SDC3: variants seen among roughly 807,000 people sequenced by gnomAD.
The protein encoded by SDC3 is syndecan 3, also known as syndecan-3.
SDC3 carries 13 observed loss-of-function variants against 24.4 expected under a neutral mutation model. That is an observed-to-expected ratio of 0.53 (90% CI 0.35 to 0.85). The LOEUF (loss-of-function observed/expected upper bound fraction) is 0.85, where lower values mean the gene tolerates loss of function less well. Ranked by LOEUF, SDC3 falls within the 40% of genes least tolerant of loss-of-function variation. The pLI is 0.01. For missense variants in SDC3, 571 were observed against 584.5 expected, an observed-to-expected ratio of 0.98 and a Z score of 0.24; for synonymous variants, 295 against 260.9, an observed-to-expected ratio of 1.13 and a Z score of -1.26.
chr1:30,873,255 C>T lies in SDC3; in HGVS notation c.1285G>A (p.Val429Ile), dbSNP rs138480380. 669 of 1,613,818 alleles carry T rather than the reference C, an allele frequency of 4.1e-4. 4 individuals carry two copies. Among genetic ancestry groups the T allele is most frequent in the Admixed American group, 2.7e-4 (16 of 60,028 alleles). Residue 429 changes from valine (V) to isoleucine (I), a missense_variant, in exon 5 of 5, where the codon GTC becomes ATC. Coordinates refer to ENST00000339394, the MANE Select transcript of SDC3 (RefSeq NM_014654.4). ...TGCTTGTCAGGCTTCTGGTATGTGA[C>T]GCTCGCCTGCTTGGGTTCCTCCAGC... is the stretch of plus-strand genomic sequence containing the variant. ...YTLEEPKQAS[V>I]TYQKPDKQEE...
Position 30,876,671 on chromosome 1 carries a change from T to C in SDC3, c.751A>G (p.Thr251Ala), listed in dbSNP as rs774886200. 5.0e-6 allele frequency: 8 copies of C among 1,602,376 alleles called. No individual in the cohort carries two copies. The highest frequency in any genetic ancestry group is 6.8e-6 in the Non-Finnish European group (8 of 1,174,262). ...TEAPTPRLVS[T>A]ATSRPRALPR... is the part of the protein sequence containing the mutation. ...AGGGCTCTTGGCCGGGAGGTAGCTGTGCTGACCAGCCTGGGTGTTGGGGCC... is the reference window on the plus strand; with the variant it reads ...AGGGCTCTTGGCCGGGAGGTAGCTGCGCTGACCAGCCTGGGTGTTGGGGCC... The change falls in exon 3 of 5, where the codon ACA becomes GCA. Residue 251 changes from threonine (T) to alanine (A), a missense_variant. By Grantham distance (58) the Thr-to-Ala change is moderately conservative. This residue lies in a region of SDC3 where 497 missense variants were observed against 471.6 expected (regional missense o/e 1.05). Coordinates refer to ENST00000339394, the MANE Select transcript of SDC3 (RefSeq NM_014654.4).
chr1:30,881,621 G>A (rs942007641), intron 1 of SDC3, among the ~76,000 whole-genome samples: 2 of 152,232 alleles, frequency 1.3e-5, no homozygotes, highest in Non-Finnish European at 2.9e-5. Context: ...ATGAAGGCCT[G>A]AGCATCAGGT....
intron 1 of SDC3, among the ~76,000 whole-genome samples, chr1:30,896,898 G>T (rs1433051620): frequency 6.6e-6 from 1 of 152,204 alleles, no homozygotes; most frequent in East Asian, 1.9e-4. Flanking sequence ...GGGAAGCGGA[G>T]GTTGCAGTGA....
chr1:30,909,472 C>A (rs560324290), upstream of SDC3, among the ~76,000 whole-genome samples: 105 of 152,312 alleles, frequency 6.9e-4, no homozygotes, highest in Non-Finnish European at 1.1e-3. Flanking sequence ...TTGAATGGGA[C>A]CACCCCCTCC....
intron 4 of SDC3, 111 bp from the exon 5 acceptor site, chr1:30,873,488 A>G: frequency 1.4e-6 from 1 of 702,626 alleles, no homozygotes; most frequent in African/African-American, 1.8e-5. Context: ...CCCAGATCTG[A>G]GTTGGAGTGA....
At chr1:30,886,502 C>G (rs1245161264) in intron 1 of SDC3, among the ~76,000 whole-genome samples, 2 of 152,174 alleles carry the variant, frequency 1.3e-5, no homozygotes, top group Non-Finnish European at 2.9e-5. Context: ...ACAGGCCCTT[C>G]CACTGGATCT....
At chr1:30,899,588 T>A (rs1473839880) in intron 1 of SDC3, among the ~76,000 whole-genome samples, 1 of 152,050 alleles carries the variant, frequency 6.6e-6, no homozygotes, top group Non-Finnish European at 1.5e-5. Context: ...GCCAGGTGGG[T>A]CTTGAACTCC....
rs770342472 is a variant in SDC3 at position 30,876,583 on chromosome 1, G to T, written c.839C>A (p.Thr280Asn). Residue 280 changes from threonine to asparagine, a missense_variant, in exon 3 of 5, where the codon ACC (threonine) becomes AAC (asparagine). This residue lies in a region of SDC3 where 497 missense variants were observed against 471.6 expected (regional missense o/e 1.05). Coordinates refer to ENST00000339394, the MANE Select transcript of SDC3 (RefSeq NM_014654.4). ...IPERSTLPLG[T>N]TAPGPTEVAQ... is the part of the protein sequence containing the mutation. ...CACCTCTGTGGGTCCAGGGGCAGTG[G>T]TCCCCAGGGGCAGGGTGCTCCTCTC... 1.3e-6 allele frequency: 2 copies of T among 1,529,042 alleles called. No homozygotes were observed. Among genetic ancestry groups the T allele is most frequent in the African/African-American group, 1.4e-5 (1 of 71,948 alleles). 94.7% of individuals were successfully genotyped at this position (1,529,042 alleles called of 1,614,324 possible).
intron 3 of SDC3, among the ~76,000 whole-genome samples, 191 bp downstream of exon 3, chr1:30,876,361 C>T (rs894294089): frequency 8.5e-5 from 13 of 152,164 alleles, no homozygotes; most frequent in Non-Finnish European, 1.6e-4. Flanking sequence ...TCCAACCACC[C>T]CAGCCCTCGT....
chr1:30,892,022 C>T (rs1197991908), intron 1 of SDC3, among the ~76,000 whole-genome samples: 2 of 151,982 alleles, frequency 1.3e-5, no homozygotes, highest in African/African-American at 4.8e-5. Flanking sequence ...TGCTCACCCC[C>T]CCAACCCAAC....
chr1:30,902,376 A>G (rs12087934), intron 1 of SDC3, among the ~76,000 whole-genome samples: 10,261 of 152,144 alleles, frequency 0.067, 1,109 homozygotes, highest in African/African-American at 0.23. Context: ...CCCTCTGGCC[A>G]TGGCGGGAGG....
Position 30,874,346 on chromosome 1 carries a change from A to G in SDC3, c.1113T>C (p.Ala371=). The G allele has an allele frequency of 6.2e-7, 1 of 1,613,556 alleles. No individual in the cohort carries two copies. The highest frequency in any genetic ancestry group is 2.2e-5 in the East Asian group (1 of 44,880). The change falls in exon 4 of 5, where the codon GCT becomes GCC. Residue 371 remains alanine, a synonymous_variant. Transcript: ENST00000339394. ...GGATACTCTTCTGAGGCAGCTGAGC[A>G]GCTGAGCTGCCCGAGTCGATGGCAT... The part of the protein sequence containing the change: ...LDNAIDSGSS[A]AQLPQKSILE...
In SDC3 at chr1:30,908,453, G is replaced by T; in HGVS notation, c.134C>A (p.Ala45Glu). Reference sequence around the variant, plus strand: ...ATCCGGGCGCGTGTCACTCACCCCCGCGGCGCGCCCCGCCAGCAGCAGCAG... The same window carrying T: ...ATCCGGGCGCGTGTCACTCACCCCCTCGGCGCGCCCCGCCAGCAGCAGCAG... ...LLLLLLAGRAAGAQRWRSENF... is the reference protein window; with the variant it reads ...LLLLLLAGRAEGAQRWRSENF... The change falls in exon 1 of 5, where the codon GCG becomes GAG. Residue 45 changes from alanine to glutamate, a missense_variant. Coordinates refer to ENST00000339394, the MANE Select transcript of SDC3 (RefSeq NM_014654.4). 9.6e-7 allele frequency: 1 copy of T among 1,039,746 alleles called. No individual in the cohort carries two copies. Among genetic ancestry groups the T allele is most frequent in the Non-Finnish European group, 1.2e-6 (1 of 861,158 alleles). 64.4% of individuals were successfully genotyped at this position (1,039,746 alleles called of 1,614,324 possible).
At chr1:30,900,326 C>G (rs1332165189) in intron 1 of SDC3, among the ~76,000 whole-genome samples, 2 of 152,202 alleles carry the variant, frequency 1.3e-5, no homozygotes, top group Non-Finnish European at 2.9e-5. Flanking sequence ...TCATCATCTT[C>G]CTCGTCATCA....
chr1:30,903,210 G>A (rs974340382), intron 1 of SDC3, among the ~76,000 whole-genome samples: 2 of 152,142 alleles, frequency 1.3e-5, no homozygotes, highest in Non-Finnish European at 2.9e-5. Flanking sequence ...CACGGATTTG[G>A]CCTCCACACA....
chr1:30,879,038 G>A (rs1639695991), intron 1 of SDC3: 2 of 329,950 alleles, frequency 6.1e-6, no homozygotes, highest in Non-Finnish European at 1.2e-5. Context: ...ACTAAATTCA[G>A]TGGTTCAGTA....
rs1638584663 is a variant in SDC3, at chr1:30,908,657, G to A, written c.-71C>T. On this transcript the variant is annotated 5_prime_UTR_variant, in exon 1 of 5. Transcript: ENST00000339394. ...GTTCCCGAGGCGCGGCGCGCGGGGC[G>A]GCTGCTTGGCGGCGGCGCGGCCCGG... 3 of 575,036 alleles carry A rather than the reference G, an allele frequency of 5.2e-6. No individual in the cohort carries two copies. In the South Asian group the frequency reaches 2.2e-4, roughly 41 times the overall value. 35.6% of individuals were successfully genotyped at this position (575,036 alleles called of 1,614,324 possible). A position where few individuals can be genotyped will look rare whatever the true frequency, so the allele number is the denominator to read the frequency against.
intron 2 of SDC3, chr1:30,877,401 G>A (rs903941147): frequency 9.6e-6 from 6 of 623,826 alleles, no homozygotes; most frequent in African/African-American, 9.3e-5. Context: ...GCCTCTCCCG[G>A]GAAGCCTTCC....
At chr1:30,907,749 A>T (rs1249593932) in intron 1 of SDC3, among the ~76,000 whole-genome samples, 1 of 151,360 alleles carries the variant, frequency 6.6e-6, no homozygotes, top group Non-Finnish European at 1.5e-5. Context: ...TTGGCCACAC[A>T]CGCCCACACA....
Sources: allele counts gnomAD v4.1 joint callset (sites outside exome capture counted in the v4.1 genomes callset), GRCh38; gene constraint gnomAD v4.1.1; regional missense constraint gnomAD v4.1.1; transcripts MANE v1.5; gene names NCBI Gene and HGNC (gene_info 2026-07-23, HGNC 2026-07-21).